The following GRIP1 variants were observed in gnomAD, a reference collection of about 807,000 sequenced individuals.
GRIP1 encodes the protein glutamate receptor interacting protein 1, also known as glutamate receptor-interacting protein 1.
GRIP1 carries 45 observed loss-of-function variants against 129.9 expected under a neutral mutation model. The observed-to-expected ratio is 0.35, with a 90% CI of 0.27 to 0.44. The LOEUF (loss-of-function observed/expected upper bound fraction) is 0.44. Among genes scored for constraint, GRIP1 ranks in the 20% least tolerant of loss-of-function variants. GRIP1 has a pLI of 1.00. For missense variants in GRIP1, 1,196 were observed against 1,396.8 expected (o/e 0.86, Z 2.29); for synonymous variants, 530 against 520.8 (o/e 1.02, Z -0.24).
At position 66,940,086 on chromosome 12, in the gene GRIP1, T is replaced by C. The variant is rs187455001; in HGVS notation, c.58+128964A>G. 1.3e-3 allele frequency among the ~76,000 whole-genome samples: 201 copies of C among 149,572 alleles called. No individual in the cohort carries two copies. The Middle Eastern group carries it at 0.024, about 18-fold the overall frequency. ...AATCAGACTATGTATACCTTTTGGG[T>C]TTTTTTTTAATCATCTCTTCAATGG... On this transcript the variant is annotated intron_variant, in intron 1 of 1. Coordinates refer to the GRIP1 transcript ENST00000643019.
chr12:66,440,030 A>G (rs753240545), intron 13 of GRIP1, among the ~76,000 whole-genome samples: 1 of 152,168 alleles, frequency 6.6e-6, no homozygotes, highest in Non-Finnish European at 1.5e-5. Flanking sequence ...CTGATTTGCT[A>G]TTCTAAATCT....
At chr12:66,563,944 C>T (rs2062634866) in intron 2 of GRIP1, 1 of 152,584 alleles carries the variant, frequency 6.6e-6, no homozygotes, top group Admixed American at 6.6e-5. Flanking sequence ...ATAAACTTTA[C>T]ATTTCCTAGC....
chr12:66,479,444 A>G (rs2059732585), intron 7 of GRIP1, among the ~76,000 whole-genome samples: 2 of 152,162 alleles, frequency 1.3e-5, no homozygotes, highest in African/African-American at 4.8e-5. Context: ...ACCAACCAAA[A>G]AAAAGCCCAG....
chr12:66,838,477 C>G (rs1184971509), intron 1 of GRIP1, among the ~76,000 whole-genome samples: 2 of 152,150 alleles, frequency 1.3e-5, no homozygotes. Flanking sequence ...AGAGTAAACA[C>G]AGGAGACGCA....
chr12:66,386,393 G>A (rs1353626212), intron 19 of GRIP1, among the ~76,000 whole-genome samples: 2 of 152,154 alleles, frequency 1.3e-5, no homozygotes, highest in African/African-American at 4.8e-5. Context: ...CAGCACTTTG[G>A]GAGGCCGAGG....
chr12:66,954,175 G>A (rs917282090), intron 1 of GRIP1, among the ~76,000 whole-genome samples: 5 of 151,996 alleles, frequency 3.3e-5, no homozygotes, highest in African/African-American at 4.8e-5. Flanking sequence ...AATCCCTTCT[G>A]TCTCATCTCT....
intron 8 of GRIP1, among the ~76,000 whole-genome samples, chr12:66,463,625 T>C (rs1037182677): frequency 1.3e-5 from 2 of 152,180 alleles, no homozygotes; most frequent in African/African-American, 4.8e-5. Context: ...TATTATTATG[T>C]TATTCTGGAG....
chr12:66,643,219 A>C (rs1003048616), intron 1 of GRIP1, among the ~76,000 whole-genome samples: 1 of 152,230 alleles, frequency 6.6e-6, no homozygotes, highest in Non-Finnish European at 1.5e-5. Flanking sequence ...AAACTTTTAA[A>C]ATGTGCGTTG....
At chr12:66,764,868 T>C (rs1425936112) in intron 1 of GRIP1, among the ~76,000 whole-genome samples, 1 of 152,194 alleles carries the variant, frequency 6.6e-6, no homozygotes, top group Non-Finnish European at 1.5e-5. Flanking sequence ...AACGTAACAA[T>C]AACAACAATA....
intron 1 of GRIP1, among the ~76,000 whole-genome samples, chr12:66,863,383 T>C (rs1344174066): frequency 1.3e-5 from 2 of 152,230 alleles, no homozygotes; most frequent in East Asian, 3.9e-4. Flanking sequence ...AATAAATCTA[T>C]AAATATATTA....
intron 1 of GRIP1, among the ~76,000 whole-genome samples, chr12:67,049,922 GT>G (rs2043314603): frequency 6.9e-6 from 1 of 144,242 alleles, no homozygotes; most frequent in Admixed American, 6.8e-5. Flanking sequence ...AAAAAAAGTT[GT>G]TTTGTTTTAA....
Position 66,460,497 on chromosome 12 carries a change from T to C in GRIP1, c.1042+2427A>G, listed in dbSNP as rs182478646. Reference sequence around the variant, plus strand: ...TGGTCACATTTTCCTTTCCAAAACGTCAGTTTCCTTCAATCCAATTATGTC... The same window carrying C: ...TGGTCACATTTTCCTTTCCAAAACGCCAGTTTCCTTCAATCCAATTATGTC... On this transcript the variant is annotated intron_variant, in intron 9 of 24. Transcript: ENST00000359742. Among the ~76,000 whole-genome samples, 757 of 152,324 alleles carry C rather than the reference T, an allele frequency of 5.0e-3. 4 individuals carry two copies. Among genetic ancestry groups the C allele is most frequent in the African/African-American group, 0.017 (709 of 41,564 alleles).
intron 1 of GRIP1, among the ~76,000 whole-genome samples, chr12:67,008,909 C>T (rs1468059472): frequency 1.2e-5 from 1 of 80,472 alleles, no homozygotes; most frequent in Non-Finnish European, 2.5e-5. Flanking sequence ...TATCTGATCC[C>T]TTCCTTTCTC....
At chr12:66,464,538 G>C (rs1478036797) in intron 8 of GRIP1, among the ~76,000 whole-genome samples, 1 of 152,144 alleles carries the variant, frequency 6.6e-6, no homozygotes, top group Non-Finnish European at 1.5e-5. Flanking sequence ...TATGGTAGCA[G>C]GATTTAATTG....
At chr12:66,664,321 G>A (rs2033674179) in intron 1 of GRIP1, among the ~76,000 whole-genome samples, 1 of 152,156 alleles carries the variant, frequency 6.6e-6, no homozygotes, top group Non-Finnish European at 1.5e-5. Context: ...GGCTTTTGTA[G>A]TGAGTCAACA....
intron 1 of GRIP1, among the ~76,000 whole-genome samples, chr12:67,063,086 G>GAT (rs1208806373): frequency 6.6e-6 from 1 of 152,130 alleles, no homozygotes; most frequent in Non-Finnish European, 1.5e-5. Context: ...ACATGACATA[G>GAT]ATATTTCTTG....
chr12:66,729,346 T>A (rs899942005), intron 1 of GRIP1, among the ~76,000 whole-genome samples: 1 of 152,212 alleles, frequency 6.6e-6, no homozygotes, highest in Non-Finnish European at 1.5e-5. Flanking sequence ...AAATAAAATA[T>A]GTGACTTATT....
At chr12:66,920,925 C>A (rs1183537427) in intron 1 of GRIP1, among the ~76,000 whole-genome samples, 1 of 152,174 alleles carries the variant, frequency 6.6e-6, no homozygotes, top group African/African-American at 2.4e-5. Flanking sequence ...GATCTTCTGG[C>A]AAATTGTAAC....
At chr12:67,002,466 C>G (rs1305743019) in intron 1 of GRIP1, among the ~76,000 whole-genome samples, 2 of 152,186 alleles carry the variant, frequency 1.3e-5, no homozygotes, top group Non-Finnish European at 2.9e-5. Flanking sequence ...ATTTATTCTG[C>G]AAACTTCCTC....
Sources: gnomAD v4.1 joint callset for allele counts (sites outside exome capture counted in the v4.1 genomes callset) on GRCh38, gnomAD v4.1.1 for gene constraint, MANE v1.5 for transcripts, NCBI Gene and HGNC (gene_info 2026-07-23, HGNC 2026-07-21) for gene names.